Variants in SOX5 observed in about 807,000 individuals in gnomAD.
SOX5 encodes transcription factor SOX-5.
Under a neutral mutation model 92.0 loss-of-function variants are expected in SOX5, and 9 were observed. The observed-to-expected ratio is 0.10, with a 90% CI of 0.06 to 0.17. SOX5 has a LOEUF of 0.17. SOX5 is among the 10% of genes least tolerant of loss of function. The pLI is 1.00. For synonymous variants in SOX5, 344 were observed against 336.3 expected (o/e 1.02, Z -0.25); for missense variants, 642 against 944.5 (o/e 0.68, Z 4.20).
intron 3 of SOX5, among the ~76,000 whole-genome samples, chr12:23,840,117 AG>A (rs1377925007): frequency 6.6e-6 from 1 of 152,042 alleles, no homozygotes; most frequent in Non-Finnish European, 1.5e-5. Flanking sequence ...TAGAGCTAAT[AG>A]TGAGTCCTGA....
At chr12:24,408,464 CAG>C (rs948175781) in intron 1 of SOX5, among the ~76,000 whole-genome samples, 1 of 152,150 alleles carries the variant, frequency 6.6e-6, no homozygotes, top group Admixed American at 6.6e-5. Context: ...CTGACATTGA[CAG>C]AGTCAAGATA....
chr12:23,879,044 G>A (rs188960221), intron 2 of SOX5, among the ~76,000 whole-genome samples: 19 of 151,982 alleles, frequency 1.3e-4, no homozygotes, highest in African/African-American at 3.1e-4. Context: ...TGTCCTTTAC[G>A]GCTTCCTATA....
chr12:24,280,490 G>A (rs1312472674), intron 2 of SOX5, among the ~76,000 whole-genome samples: 1 of 152,010 alleles, frequency 6.6e-6, no homozygotes, highest in African/African-American at 2.4e-5. Context: ...AACAAACACA[G>A]CTTTCACTTA....
intron 2 of SOX5, among the ~76,000 whole-genome samples, chr12:24,310,718 AAG>A (rs1949080792): frequency 6.6e-6 from 1 of 152,222 alleles, no homozygotes; most frequent in Admixed American, 6.5e-5. Flanking sequence ...TTAACATTAA[AAG>A]AAGTGAATTC....
chr12:24,440,294 A>T (rs1336119571), intron 1 of SOX5, among the ~76,000 whole-genome samples: 1 of 152,146 alleles, frequency 6.6e-6, no homozygotes, highest in Non-Finnish European at 1.5e-5. Flanking sequence ...AATCTACTCT[A>T]GTCTCTTTCT....
intron 4 of SOX5, among the ~76,000 whole-genome samples, chr12:23,965,076 G>C (rs1947389039): frequency 6.6e-6 from 1 of 152,206 alleles, no homozygotes; most frequent in African/African-American, 2.4e-5. Flanking sequence ...ACAGCACAAA[G>C]GGAATGTGCT....
intron 6 of SOX5, among the ~76,000 whole-genome samples, chr12:23,676,091 G>A (rs1285611637): frequency 6.6e-6 from 1 of 152,118 alleles, no homozygotes. Context: ...ATGGGGAGAT[G>A]TAGGTCAAAG....
chr12:23,891,978 T>C (rs2097133920), intron 2 of SOX5, among the ~76,000 whole-genome samples: 1 of 152,112 alleles, frequency 6.6e-6, no homozygotes, highest in Non-Finnish European at 1.5e-5. Flanking sequence ...CTAAAACATA[T>C]TTACTCATCC....
intron 4 of SOX5, among the ~76,000 whole-genome samples, chr12:24,045,111 A>G (rs1956873250): frequency 6.6e-6 from 1 of 152,146 alleles, no homozygotes; most frequent in Non-Finnish European, 1.5e-5. Flanking sequence ...AATATCCAGC[A>G]AAAGCATAGT....
At position 23,895,783 on chromosome 12, in the gene SOX5, A is replaced by G; in HGVS notation, c.270+10T>C. ...GTGAGTGTAGGCACAATAAACCATGAGAAACCTACCATTGTATTGTGCTGA... is the reference window on the plus strand; with the variant it reads ...GTGAGTGTAGGCACAATAAACCATGGGAAACCTACCATTGTATTGTGCTGA... On this transcript the variant is annotated intron_variant, in intron 2 of 14. Coordinates refer to ENST00000451604, the MANE Select transcript of SOX5 (RefSeq NM_006940.6). The G allele has an allele frequency of 6.3e-7, 1 of 1,590,218 alleles. No homozygotes were observed. The highest frequency in any genetic ancestry group is 1.3e-5 in the African/African-American group (1 of 74,554).
chr12:24,202,122 A>G (rs1244490042), intron 4 of SOX5, among the ~76,000 whole-genome samples: 1 of 152,180 alleles, frequency 6.6e-6, no homozygotes, highest in Admixed American at 6.5e-5. Flanking sequence ...GCAAAATATA[A>G]AAGTATAGAA....
At chr12:23,980,613 C>T (rs1326708312) in intron 4 of SOX5, among the ~76,000 whole-genome samples, 2 of 152,148 alleles carry the variant, frequency 1.3e-5, no homozygotes, top group East Asian at 1.9e-4. Flanking sequence ...TGCCAAATGA[C>T]AACATTTCTG....
chr12:23,686,373 A>G (rs915898580), intron 6 of SOX5, among the ~76,000 whole-genome samples: 1 of 152,210 alleles, frequency 6.6e-6, no homozygotes, highest in African/African-American at 2.4e-5. Flanking sequence ...TTGCATAAAA[A>G]TATCAGCTTA....
intron 1 of SOX5, among the ~76,000 whole-genome samples, chr12:24,422,781 A>AG (rs1966133007): frequency 6.6e-6 from 1 of 152,202 alleles, no homozygotes; most frequent in African/African-American, 2.4e-5. Context: ...GAGGCCAAGG[A>AG]GGGAAGATTG....
At chr12:24,406,756 G>C (rs1299349474) in intron 1 of SOX5, among the ~76,000 whole-genome samples, 1 of 151,886 alleles carries the variant, frequency 6.6e-6, no homozygotes, top group Non-Finnish European at 1.5e-5. Context: ...GAATGAACTT[G>C]TGAAGTATGG....
At chr12:23,659,113 G>A (rs2082694404) in intron 7 of SOX5, among the ~76,000 whole-genome samples, 1 of 152,062 alleles carries the variant, frequency 6.6e-6, no homozygotes, top group Non-Finnish European at 1.5e-5. Context: ...TATGTCAGCT[G>A]ACATAGCTGA....
chr12:24,084,445 C>A (rs1365125236), intron 4 of SOX5, among the ~76,000 whole-genome samples: 1 of 152,024 alleles, frequency 6.6e-6, no homozygotes, highest in East Asian at 1.9e-4. Flanking sequence ...TCTCCAAAAC[C>A]TAAGATTCCT....
intron 3 of SOX5, among the ~76,000 whole-genome samples, chr12:23,800,479 G>T (rs974701676): frequency 6.6e-6 from 1 of 151,870 alleles, no homozygotes; most frequent in Admixed American, 6.6e-5. Flanking sequence ...CGTACATGAT[G>T]ATGACTAGTG....
At chr12:24,445,786 A>G (rs541708545) in intron 1 of SOX5, among the ~76,000 whole-genome samples, 2 of 152,334 alleles carry the variant, frequency 1.3e-5, no homozygotes, top group African/African-American at 2.4e-5. Context: ...GTGATGTGCA[A>G]TGGAATGAGA....
Sources: allele counts gnomAD v4.1 joint callset (sites outside exome capture counted in the v4.1 genomes callset), GRCh38; gene constraint gnomAD v4.1.1; transcripts MANE v1.5; gene names NCBI Gene and HGNC (gene_info 2026-07-23, HGNC 2026-07-21).